The following CC2D2B variants were observed in gnomAD, a reference collection of about 807,000 sequenced individuals.
The protein encoded by CC2D2B is coiled-coil and C2 domain containing 2B, also known as protein CC2D2B.
A neutral mutation model predicts 161.2 loss-of-function variants in CC2D2B; 128 were observed. The observed-to-expected ratio is 0.79, with a 90% confidence interval of 0.69 to 0.92. CC2D2B has a LOEUF of 0.92. Ranked by LOEUF, CC2D2B falls within the 40% of genes least tolerant of loss-of-function variation. The pLI is 0.00. For missense variants in CC2D2B, 1,173 were observed against 1,375.1 expected (o/e 0.85, Z 2.32); for synonymous variants, 391 against 449.8 (o/e 0.87, Z 1.65).
intron 4 of CC2D2B, 120 bp from the exon 5 acceptor site, chr10:95,924,659 C>T: frequency 2.9e-6 from 2 of 685,368 alleles, no homozygotes; most frequent in Admixed American, 2.6e-5. Flanking sequence ...TTCATGTACA[C>T]ATACCACACT....
intron 34 of CC2D2B, among the ~76,000 whole-genome samples, chr10:96,028,135 G>T (rs1244820193): frequency 2.6e-5 from 4 of 152,000 alleles, no homozygotes; most frequent in Non-Finnish European, 4.4e-5. Flanking sequence ...ATGGACAAAT[G>T]GGATCACATC....
At chr10:95,925,274 G>C (rs1249675906) in intron 5 of CC2D2B, among the ~76,000 whole-genome samples, 1 of 152,170 alleles carries the variant, frequency 6.6e-6, no homozygotes, top group Admixed American at 6.5e-5. Context: ...TGATTGACTA[G>C]AATGGAGCAG....
intron 24 of CC2D2B, chr10:96,000,071 C>G: frequency 6.7e-7 from 1 of 1,482,080 alleles, no homozygotes; most frequent in South Asian, 1.2e-5. Context: ...TCCAGTTTTG[C>G]CGTGGTAACA....
rs561051383 is a variant in CC2D2B, at chr10:95,993,816, A to G, written c.2642+1119A>G. ...ATATAGAGAGAGAGAATATATATAG[A>G]GTGTATATATAAAGAGTGTATATAT... On this transcript the variant is annotated intron_variant, in intron 22 of 34. Transcript: ENST00000646931. 4.2e-5 allele frequency among the ~76,000 whole-genome samples: 6 copies of G among 143,518 alleles called. No individual in the cohort carries two copies. In the South Asian group the frequency reaches 1.3e-3, roughly 32 times the overall value. 94.2% of individuals were successfully genotyped at this position (143,518 alleles called of 152,430 possible). A position where few individuals can be genotyped will look rare whatever the true frequency, so the allele number is the denominator to read the frequency against.
intron 34 of CC2D2B, among the ~76,000 whole-genome samples, chr10:96,030,647 G>A (rs1274735069): frequency 3.3e-5 from 5 of 152,108 alleles, no homozygotes; most frequent in African/African-American, 4.8e-5. Context: ...TGGAAGCTGG[G>A]AATTCCAAGA....
intron 10 of CC2D2B, among the ~76,000 whole-genome samples, chr10:95,954,566 T>C (rs557710598): frequency 7.6e-4 from 115 of 152,294 alleles, no homozygotes; most frequent in African/African-American, 2.5e-3. Flanking sequence ...TAGAATGTTT[T>C]TGGATACCCC....
chr10:96,019,483 C>A, intron 31 of CC2D2B, 146 bp downstream of exon 31: 1 of 860,462 alleles, frequency 1.2e-6, no homozygotes, highest in Non-Finnish European at 1.8e-6. Context: ...ATCACTAAAG[C>A]TCCTCCAGGT....
At chr10:96,023,134 G>T (rs1319321972) in intron 32 of CC2D2B, among the ~76,000 whole-genome samples, 2 of 152,228 alleles carry the variant, frequency 1.3e-5, no homozygotes, top group African/African-American at 4.8e-5. Flanking sequence ...GGCAAGGGCT[G>T]CTGTGATCAA....
At chr10:96,014,978 A>C (rs2141878192) in intron 29 of CC2D2B, among the ~76,000 whole-genome samples, 1 of 152,282 alleles carries the variant, frequency 6.6e-6, no homozygotes, top group East Asian at 1.9e-4. Flanking sequence ...AGTCATTGCC[A>C]TGAGCTCTAT....
chr10:95,949,597 T>C (rs2076331423), intron 9 of CC2D2B, among the ~76,000 whole-genome samples: 1 of 137,662 alleles, frequency 7.3e-6, no homozygotes, highest in Non-Finnish European at 1.5e-5. Flanking sequence ...GCATGGCACA[T>C]GTATACATAT....
chr10:95,988,171 C>A, intron 19 of CC2D2B, 79 bp from the exon 20 acceptor site: 1 of 457,950 alleles, frequency 2.2e-6, no homozygotes, highest in East Asian at 3.6e-5. Context: ...ACTGAAGTGA[C>A]TAGTGATATT....
chr10:95,959,914 A>G (rs559301751), intron 11 of CC2D2B, among the ~76,000 whole-genome samples: 1 of 152,316 alleles, frequency 6.6e-6, no homozygotes, highest in South Asian at 2.1e-4. Context: ...GCAATATTCT[A>G]ATTGTTAACC....
chr10:95,915,716 G>A (rs186339753), intron 2 of CC2D2B, among the ~76,000 whole-genome samples: 2 of 152,242 alleles, frequency 1.3e-5, no homozygotes, highest in African/African-American at 4.8e-5. Context: ...ATTGATTTGT[G>A]TATGTTGAAC....
intron 22 of CC2D2B, among the ~76,000 whole-genome samples, chr10:95,993,899 A>T (rs1194588128): frequency 1.8e-5 from 1 of 55,494 alleles, no homozygotes; most frequent in African/African-American, 6.4e-5. Flanking sequence ...AGAGAGAGAG[A>T]ATGTGTGTGT....
chr10:95,972,179 T>A lies in CC2D2B; in HGVS notation c.1758T>A (p.Asp586Glu). The A allele has an allele frequency of 8.1e-7, 1 of 1,232,070 alleles. No homozygotes were observed. Among genetic ancestry groups the A allele is most frequent in the African/African-American group, 1.5e-5 (1 of 64,546 alleles). 76.3% of individuals were successfully genotyped at this position (1,232,070 alleles called of 1,614,324 possible). ...TALQYVEFSS[D>E]KLVMPADGEV... ...TGCAATATGTAGAGTTTAGCTCTGATAAGCTGGTCATGCCTGCCGATGGAG... is the reference window on the plus strand; with the variant it reads ...TGCAATATGTAGAGTTTAGCTCTGAAAAGCTGGTCATGCCTGCCGATGGAG... The change falls in exon 16 of 35, where the codon GAT (aspartate) becomes GAA (glutamate). Residue 586 changes from aspartate (D) to glutamate (E), a missense_variant. This residue lies in a region of CC2D2B where 277 missense variants were observed against 420.6 expected (regional missense o/e 0.66). Transcript: ENST00000646931.
chr10:96,000,548 T>G (rs572907692), intron 24 of CC2D2B, among the ~76,000 whole-genome samples: 27 of 152,064 alleles, frequency 1.8e-4, no homozygotes, highest in Admixed American at 1.2e-3. Flanking sequence ...GTATTTTTGA[T>G]AGAGACAGGG....
At chr10:95,985,676 G>A (rs1031876082) in intron 19 of CC2D2B, among the ~76,000 whole-genome samples, 1 of 152,174 alleles carries the variant, frequency 6.6e-6, no homozygotes, top group African/African-American at 2.4e-5. Context: ...AATGTTCAGG[G>A]AACAAGGGAG....
At chr10:95,931,883 G>T (rs2075614904) in intron 6 of CC2D2B, among the ~76,000 whole-genome samples, 1 of 152,218 alleles carries the variant, frequency 6.6e-6, no homozygotes, top group Non-Finnish European at 1.5e-5. Context: ...TTCCGTAGAT[G>T]TCTGTTAGGT....
At chr10:95,947,795 C>G (rs1418623747) in intron 9 of CC2D2B, among the ~76,000 whole-genome samples, 1 of 151,956 alleles carries the variant, frequency 6.6e-6, no homozygotes, top group Admixed American at 6.6e-5. Flanking sequence ...GAATCATCTT[C>G]CATATGATCT....
Sources: allele counts gnomAD v4.1 joint callset (sites outside exome capture counted in the v4.1 genomes callset), GRCh38; gene constraint gnomAD v4.1.1; regional missense constraint gnomAD v4.1.1; transcripts MANE v1.5; gene names NCBI Gene and HGNC (gene_info 2026-07-23, HGNC 2026-07-21).